The following DCT variants were observed in gnomAD, a reference collection of about 807,000 sequenced individuals.
DCT encodes the protein dopachrome tautomerase, also known as L-dopachrome tautomerase.
In DCT, 47 loss-of-function variants were observed where a neutral mutation model predicts 53.0. The ratio of observed to expected loss-of-function variants is 0.89; its 90% CI spans 0.70 to 1.13. The LOEUF is 1.13. Among genes scored for constraint, DCT ranks in the 50% most tolerant of loss-of-function variants. DCT has a pLI of 0.00. For synonymous variants in DCT, 244 were observed against 237.0 expected, an observed-to-expected ratio of 1.03 and a Z score of -0.27; for missense variants, 669 against 637.4, an observed-to-expected ratio of 1.05 and a Z score of -0.53.
chr13:94,451,647 C>T (rs1005029585), intron 6 of DCT, among the ~76,000 whole-genome samples: 5 of 152,118 alleles, frequency 3.3e-5, no homozygotes, highest in African/African-American at 4.8e-5. Context: ...GCATAGGGGC[C>T]ATCACAGAAT....
the DCT span, among the ~76,000 whole-genome samples, chr13:94,502,723 C>T: frequency 1.3e-5 from 2 of 152,110 alleles, no homozygotes; most frequent in Non-Finnish European, 2.9e-5. Context: ...TCATTTTCCT[C>T]AGTCATCTTT....
At chr13:94,502,503 C>T in the DCT span, among the ~76,000 whole-genome samples, 1 of 152,172 alleles carries the variant, frequency 6.6e-6, no homozygotes, top group Non-Finnish European at 1.5e-5. Flanking sequence ...CCATTTAATC[C>T]TTAACTATTG....
the DCT span, among the ~76,000 whole-genome samples, chr13:94,490,374 G>A: frequency 3.0e-4 from 46 of 151,712 alleles, no homozygotes; most frequent in African/African-American, 8.9e-4. Flanking sequence ...GCATGGTGGT[G>A]CATGCCCATA....
the DCT span, among the ~76,000 whole-genome samples, chr13:94,539,549 A>G: frequency 6.6e-6 from 1 of 152,264 alleles, no homozygotes; most frequent in Non-Finnish European, 1.5e-5. Context: ...CTTTTGTAAA[A>G]GAAATAAAAC....
intron 6 of DCT, among the ~76,000 whole-genome samples, chr13:94,458,389 A>G (rs1019906784): frequency 1.3e-5 from 2 of 152,170 alleles, no homozygotes; most frequent in Admixed American, 6.5e-5. Context: ...ATTCAACTAC[A>G]TTGTGTTCCT....
intron 1 of DCT, among the ~76,000 whole-genome samples, chr13:94,476,046 G>A (rs1391265147): frequency 6.6e-6 from 1 of 152,180 alleles, no homozygotes; most frequent in African/African-American, 2.4e-5. Context: ...TGGCTGGAGA[G>A]GCAGACCATC....
Position 94,471,283 on chromosome 13 carries a change from C to T in DCT, c.296-2238G>A, listed in dbSNP as rs79557265. ...AGGGAGAATTTTTTCTAATTGTAAT[C>T]GGTTGAGTTTTTTTGTTTTTTATAA... On this transcript the variant is annotated intron_variant, in intron 1 of 7. Transcript: ENST00000377028. 5.9e-5 allele frequency among the ~76,000 whole-genome samples: 9 copies of T among 152,160 alleles called. No homozygotes were observed. The East Asian group carries it at 1.2e-3, about 20-fold the overall frequency.
At chr13:94,447,513 G>A (rs921245945) in intron 6 of DCT, among the ~76,000 whole-genome samples, 43 of 152,218 alleles carry the variant, frequency 2.8e-4, no homozygotes, top group African/African-American at 9.9e-4. Context: ...AGACCAGCAT[G>A]GGCCCATGGC....
intron 6 of DCT, among the ~76,000 whole-genome samples, chr13:94,450,628 G>GA: frequency 6.6e-6 from 1 of 152,136 alleles, no homozygotes; most frequent in South Asian, 2.1e-4. Flanking sequence ...AACCCTTGAG[G>GA]AAAAAAAGCT....
intron 4 of DCT, among the ~76,000 whole-genome samples, chr13:94,464,159 A>G (rs1238096001): frequency 6.6e-6 from 1 of 152,198 alleles, no homozygotes; most frequent in Non-Finnish European, 1.5e-5. Context: ...TGTTCTGAGC[A>G]CTGTAGGAAA....
upstream of DCT, among the ~76,000 whole-genome samples, chr13:94,480,179 G>A (rs371719289): frequency 2.1e-4 from 32 of 152,168 alleles, no homozygotes; most frequent in East Asian, 1.5e-3. Flanking sequence ...GCACATCTAC[G>A]CAGCAATTTT....
At chr13:94,516,063 T>G in the DCT span, among the ~76,000 whole-genome samples, 1 of 39,280 alleles carries the variant, frequency 2.5e-5, no homozygotes, top group Non-Finnish European at 4.4e-5. Context: ...ACCGTCTAAC[T>G]TTAGGAGCTC....
In DCT at chr13:94,439,716, TAAAC is replaced by T. The variant is rs1261015035; in HGVS notation, c.*178_*181del. The T allele has an allele frequency of 8.7e-6, 4 of 457,932 alleles. No individual in the cohort carries two copies. The highest frequency in any genetic ancestry group is 3.9e-5 in the Admixed American group (1 of 25,520). 28.4% of individuals were successfully genotyped at this position (457,932 alleles called of 1,614,324 possible). A position where few individuals can be genotyped will look rare whatever the true frequency, so the allele number is the denominator to read the frequency against. Reference sequence around the variant, plus strand: ...CCTCAAGCACTTTAGTTGGGTTTGTTAAACAAGCAAGCAAAGCGGAAACTACAGC... The same window carrying T: ...CCTCAAGCACTTTAGTTGGGTTTGTTAAGCAAGCAAAGCGGAAACTACAGC... On this transcript the variant is annotated 3_prime_UTR_variant, in exon 8 of 8. Coordinates refer to ENST00000377028, the MANE Select transcript of DCT (RefSeq NM_001922.5).
chr13:94,499,064 G>A, the DCT span, among the ~76,000 whole-genome samples: 29 of 152,216 alleles, frequency 1.9e-4, no homozygotes, highest in Non-Finnish European at 3.2e-4. Context: ...CACCCCATTC[G>A]GGTCCCCTTC....
chr13:94,473,223 G>A lies in DCT; in HGVS notation c.296-4178C>T, dbSNP rs114297575. Among the ~76,000 whole-genome samples the A allele has an allele frequency of 3.8e-3, 573 of 152,196 alleles. 2 individuals carry two copies. The highest frequency in any genetic ancestry group is 0.014 in the Middle Eastern group (4 of 294). On this transcript the variant is annotated intron_variant, in intron 1 of 7. Transcript: ENST00000377028. ...ATGCATTCAGTAGAAACTCTACTTCGAATATCCATATGACTATTTTGGTTT... is the reference window on the plus strand; with the variant it reads ...ATGCATTCAGTAGAAACTCTACTTCAAATATCCATATGACTATTTTGGTTT...
At chr13:94,542,889 C>T in the DCT span, among the ~76,000 whole-genome samples, 1 of 152,064 alleles carries the variant, frequency 6.6e-6, no homozygotes, top group African/African-American at 2.4e-5. Flanking sequence ...ACCAATGTTG[C>T]CAAGGACACA....
chr13:94,490,504 CAAAAAAAAAAA>C, the DCT span, among the ~76,000 whole-genome samples: 225 of 35,494 alleles, frequency 6.3e-3, 5 homozygotes, highest in African/African-American at 0.016. Flanking sequence ...GACTCGGTCT[CAAAAAAAAAAA>C]AAAAAAAAAA....
intron 1 of DCT, among the ~76,000 whole-genome samples, chr13:94,478,749 A>G (rs1416526062): frequency 1.3e-5 from 2 of 152,272 alleles, no homozygotes; most frequent in Non-Finnish European, 2.9e-5. Context: ...CCCACGCCAT[A>G]TTTATTTAGT....
chr13:94,543,316 T>C, the DCT span, among the ~76,000 whole-genome samples: 1 of 152,160 alleles, frequency 6.6e-6, no homozygotes, highest in Non-Finnish European at 1.5e-5. Context: ...ACACCATTCC[T>C]TCCTGAACCA....
Sources: allele counts gnomAD v4.1 joint callset (sites outside exome capture counted in the v4.1 genomes callset), GRCh38; gene constraint gnomAD v4.1.1; transcripts MANE v1.5; gene names NCBI Gene and HGNC (gene_info 2026-07-23, HGNC 2026-07-21).